Variants in FBXL13 observed in about 807,000 individuals in gnomAD.
FBXL13 encodes F-box and leucine rich repeat protein 13, also known as F-box and leucine-rich repeat protein 13.
Under a neutral mutation model 83.6 loss-of-function variants are expected in FBXL13, and 67 were observed. That is an observed-to-expected ratio of 0.80 (90% confidence interval 0.66 to 0.98). The LOEUF (loss-of-function observed/expected upper bound fraction) is 0.98. Among genes scored for constraint, FBXL13 ranks in the 50% least tolerant of loss-of-function variants. The pLI, the probability that FBXL13 is intolerant of heterozygous loss-of-function variation, is 0.00. For missense variants in FBXL13, 822 were observed against 866.5 expected, an observed-to-expected ratio of 0.95 and a Z score of 0.64; for synonymous variants, 272 against 299.5, an observed-to-expected ratio of 0.91 and a Z score of 0.95.
At chr7:102,912,553 A>G (rs926414331) in intron 11 of FBXL13, among the ~76,000 whole-genome samples, 7 of 152,124 alleles carry the variant, frequency 4.6e-5, no homozygotes, top group African/African-American at 1.7e-4. Context: ...CAAACTTAAA[A>G]TATTTTCCCA....
intron 6 of FBXL13, chr7:102,973,523 C>T (rs771003172): frequency 2.6e-6 from 2 of 764,078 alleles, no homozygotes; most frequent in Non-Finnish European, 4.8e-6. Context: ...CTGCCTGCAC[C>T]CAGGCGCTCA....
intron 18 of FBXL13, among the ~76,000 whole-genome samples, chr7:102,826,406 C>T (rs1799628166): frequency 6.6e-6 from 1 of 151,848 alleles, no homozygotes; most frequent in African/African-American, 2.4e-5. Context: ...TTTTAAACCC[C>T]TGAACTGTGG....
intron 17 of FBXL13, among the ~76,000 whole-genome samples, chr7:102,834,435 T>C (rs1410636822): frequency 7.7e-6 from 1 of 130,710 alleles, no homozygotes; most frequent in Non-Finnish European, 1.6e-5. Flanking sequence ...TGTGTGATTA[T>C]ATATATTATA....
intron 2 of FBXL13, among the ~76,000 whole-genome samples, chr7:103,034,142 C>G (rs1204304678): frequency 6.6e-6 from 1 of 152,220 alleles, no homozygotes; most frequent in Non-Finnish European, 1.5e-5. Flanking sequence ...TAAAGGTTCT[C>G]CAAGTTCCCA....
chr7:102,857,510 G>T, intron 16 of FBXL13: 1 of 154,928 alleles, frequency 6.5e-6, no homozygotes. Flanking sequence ...GGTTGATTCG[G>T]CTGATCTGGC....
chr7:102,836,668 T>G (rs748274667), intron 17 of FBXL13, among the ~76,000 whole-genome samples: 26 of 152,248 alleles, frequency 1.7e-4, no homozygotes, highest in Admixed American at 1.2e-3. Flanking sequence ...AAAACTTCCA[T>G]ATCTCTTAGC....
chr7:102,934,450 G>C (rs1294310389), intron 8 of FBXL13: 2 of 1,614,214 alleles, frequency 1.2e-6, no homozygotes, highest in Non-Finnish European at 1.7e-6. Context: ...CAATGTTGCA[G>C]ATTCCCAGGA....
intron 8 of FBXL13, chr7:102,934,462 C>A (rs1311393766): frequency 1.2e-6 from 2 of 1,614,114 alleles, no homozygotes. Flanking sequence ...TTCCCAGGAA[C>A]CGGAATTTGG....
chr7:102,950,071 T>C (rs1452786638), intron 8 of FBXL13, among the ~76,000 whole-genome samples: 1 of 151,972 alleles, frequency 6.6e-6, no homozygotes, highest in African/African-American at 2.4e-5. Context: ...TACCACTATA[T>C]TCCAGTCTGG....
intron 9 of FBXL13, 67 bp from the exon 11 acceptor site, chr7:102,926,441 T>C (rs1563102226): frequency 8.1e-7 from 1 of 1,232,366 alleles, no homozygotes; most frequent in Non-Finnish European, 1.2e-6. Flanking sequence ...CCCATTATCT[T>C]TCTATTATCC....
At position 102,828,125 on chromosome 7, in the gene FBXL13, A is replaced by C. The variant is rs564120915; in HGVS notation, c.1854+4715T>G. Reference sequence around the variant, plus strand: ...TTATTTCCAATTCTGTGAAGAAAGTAATTGGTAGCTTGATGGGGATGGCAT... The same window carrying C: ...TTATTTCCAATTCTGTGAAGAAAGTCATTGGTAGCTTGATGGGGATGGCAT... On this transcript the variant is annotated intron_variant, in intron 18 of 19. Transcript: ENST00000313221. Among the ~76,000 whole-genome samples the C allele has an allele frequency of 2.6e-4, 40 of 152,226 alleles. No individual in the cohort carries two copies. In the East Asian group the frequency reaches 4.6e-3, roughly 18 times the overall value.
At chr7:102,984,368 A>G (rs755383119) in intron 6 of FBXL13, among the ~76,000 whole-genome samples, 6 of 152,220 alleles carry the variant, frequency 3.9e-5, no homozygotes, top group Non-Finnish European at 8.8e-5. Context: ...TTATCTACCT[A>G]TCTATCCATC....
chr7:103,007,032 C>G (rs1791063631), intron 6 of FBXL13, among the ~76,000 whole-genome samples: 1 of 151,826 alleles, frequency 6.6e-6, no homozygotes, highest in Non-Finnish European at 1.5e-5. Context: ...AACCGCTATT[C>G]AAAATGAAGC....
At chr7:102,919,131 G>A (rs1043031767) in intron 10 of FBXL13, among the ~76,000 whole-genome samples, 3 of 152,144 alleles carry the variant, frequency 2.0e-5, no homozygotes, top group Non-Finnish European at 4.4e-5. Context: ...ACATTGTGTT[G>A]ATAGCTTAAA....
intron 14 of FBXL13, 96 bp from the exon 16 acceptor site, chr7:102,878,546 AATAGCAAGGTAATATCT>A: frequency 1.3e-6 from 1 of 785,002 alleles, no homozygotes; most frequent in Non-Finnish European, 1.8e-6. Flanking sequence ...ATATTTCTAA[AATAGCAAGGTAATATCT>A]ATATACTGGT....
intron 18 of FBXL13, among the ~76,000 whole-genome samples, chr7:102,827,743 T>C (rs1799987630): frequency 6.6e-6 from 1 of 152,170 alleles, no homozygotes; most frequent in Admixed American, 6.5e-5. Flanking sequence ...GTTCTCATTG[T>C]TCAATTCCCA....
intron 8 of FBXL13, among the ~76,000 whole-genome samples, chr7:102,947,397 T>C (rs1430870906): frequency 1.3e-5 from 2 of 152,220 alleles, no homozygotes; most frequent in Non-Finnish European, 2.9e-5. Flanking sequence ...GGGATGTATT[T>C]GGAAATAAAG....
chr7:102,964,034 G>C (rs1307347498), intron 7 of FBXL13, among the ~76,000 whole-genome samples: 3 of 152,194 alleles, frequency 2.0e-5, no homozygotes, highest in African/African-American at 7.2e-5. Flanking sequence ...AATGAGGTCG[G>C]GCACGGTGGC....
Position 103,060,830 on chromosome 7 carries a change from G to C in FBXL13, c.-104-5083C>G, listed in dbSNP as rs1797832933. Among the ~76,000 whole-genome samples the C allele has an allele frequency of 9.2e-5, 14 of 152,284 alleles. 1 individual carries two copies. The South Asian group carries it at 2.9e-3, about 32-fold the overall frequency. On this transcript the variant is annotated intron_variant, in intron 1 of 19. Transcript: ENST00000313221. ...GCAGGTGAAGAAACAGAAAAACATT[G>C]TTCAAAGTCCCTTCCATTTCCCTAT...
Sources: gnomAD v4.1 joint callset for allele counts (sites outside exome capture counted in the v4.1 genomes callset) on GRCh38, gnomAD v4.1.1 for gene constraint, MANE v1.5 for transcripts, NCBI Gene and HGNC (gene_info 2026-07-23, HGNC 2026-07-21) for gene names.